Variants in NUP155 observed in about 807,000 individuals in gnomAD.
NUP155 encodes nuclear pore complex protein Nup155.
Under a neutral mutation model 180.4 loss-of-function variants are expected in NUP155, and 71 were observed. That is an observed-to-expected ratio of 0.39 (90% CI 0.33 to 0.48). The LOEUF is 0.48. NUP155 is among the 20% of genes least tolerant of loss of function. The pLI is 0.91. For synonymous variants in NUP155, 582 were observed against 559.5 expected (o/e 1.04, Z -0.57); for missense variants, 1,553 against 1,648.9 (o/e 0.94, Z 1.01).
In NUP155 at chr5:37,291,973, C is replaced by G. The variant is rs1209885529; in HGVS notation, c.4103G>C (p.Ser1368Thr). The G allele has an allele frequency of 1.2e-6, 2 of 1,613,870 alleles. No individual in the cohort carries two copies. The highest frequency in any genetic ancestry group is 2.7e-5 in the African/African-American group (2 of 74,906). The change falls in exon 35 of 35, where the codon AGC becomes ACC. Residue 1368 changes from serine (S) to threonine (T), a missense_variant. Transcript: ENST00000231498. ...CGYLVELQSM[S>T]SSVAVQAITG... ...GATGGCTTGTACTGCTACTGACGAGCTCATAGACTGGAGCTCAACAAGGTA... is the reference window on the plus strand; with the variant it reads ...GATGGCTTGTACTGCTACTGACGAGGTCATAGACTGGAGCTCAACAAGGTA...
chr5:37,296,116 G>A (rs1350670955), intron 32 of NUP155, among the ~76,000 whole-genome samples: 1 of 151,540 alleles, frequency 6.6e-6, no homozygotes, highest in South Asian at 2.1e-4. Flanking sequence ...CCTCTGCCCG[G>A]CCGCCCCTAC....
rs1276049296 is a variant in NUP155, at chr5:37,309,135, T to C, written c.2761A>G (p.Arg921Gly). ...VDLSNVCAQY[R>G]QVRFYEGVVE... ...GAAACATTTTATTTCTCACCTTGTC[T>C]ATACTGAGCACAAACATTGGAAAGG... The change falls in exon 24 of 35, where the codon AGA becomes GGA. Residue 921 changes from arginine (R) to glycine (G), a missense_variant. Transcript: ENST00000231498. The C allele has an allele frequency of 6.2e-7, 1 of 1,613,394 alleles. No homozygotes were observed. The highest frequency in any genetic ancestry group is 8.5e-7 in the Non-Finnish European group (1 of 1,179,782).
chr5:37,314,505 A>G (rs1252943438), intron 21 of NUP155, among the ~76,000 whole-genome samples, 177 bp from the exon 22 acceptor site: 2 of 152,182 alleles, frequency 1.3e-5, no homozygotes, highest in Admixed American at 1.3e-4. Flanking sequence ...GTATATATAT[A>G]TGCTTCTGTG....
chr5:37,331,677 A>T lies in NUP155; in HGVS notation c.1629+8T>A, dbSNP rs1744970006. 1 of 1,477,902 alleles carries T rather than the reference A, an allele frequency of 6.8e-7. No homozygotes were observed. Among genetic ancestry groups the T allele is most frequent in the African/African-American group, 1.4e-5 (1 of 72,438 alleles). 91.5% of individuals were successfully genotyped at this position (1,477,902 alleles called of 1,614,324 possible). ...AGCATCACATTTTTTAAAAGTATATATAATTACCTGATGTAATTTAAAGAA... is the reference window on the plus strand; with the variant it reads ...AGCATCACATTTTTTAAAAGTATATTTAATTACCTGATGTAATTTAAAGAA... On this transcript the variant is annotated splice_region_variant and intron_variant, in intron 14 of 34. Coordinates refer to ENST00000231498, the MANE Select transcript of NUP155 (RefSeq NM_153485.3).
chr5:37,293,718 G>GTAATGAGTTTAGCCCACACCTTGGTTTA (rs1252302785), intron 33 of NUP155, among the ~76,000 whole-genome samples: 13 of 77,686 alleles, frequency 1.7e-4, no homozygotes, highest in African/African-American at 1.1e-3. Context: ...GATGATTCTT[G>GTAATGAGTTTAGCCCACACCTTGGTTTA]GCCGGGCGCG....
chr5:37,298,006 G>A (rs1742679181), intron 32 of NUP155, among the ~76,000 whole-genome samples: 1 of 151,792 alleles, frequency 6.6e-6, no homozygotes, highest in Admixed American at 6.6e-5. Context: ...GGGAGGCCAA[G>A]GCAAGCGGAT....
At chr5:37,343,688 C>T (rs556553058) in intron 9 of NUP155, among the ~76,000 whole-genome samples, 1 of 152,108 alleles carries the variant, frequency 6.6e-6, no homozygotes, top group South Asian at 2.1e-4. Flanking sequence ...GTCAAGAGTT[C>T]AAGACTGGCC....
rs910744706 is a variant in NUP155 at position 37,294,022 on chromosome 5, A to T, written c.3930+307T>A. Among the ~76,000 whole-genome samples, 260 of 76,162 alleles carry T rather than the reference A, an allele frequency of 3.4e-3. 43 individuals are homozygous for T. Among genetic ancestry groups the T allele is most frequent in the African/African-American group, 6.7e-3 (18 of 2,672 alleles). 50.0% of individuals were successfully genotyped at this position (76,162 alleles called of 152,430 possible). ...CGCCGTCTCAAAAAAAAAAAAAAAA[A>T]AAAAAATAAAGCAAATGATGATTCT... On this transcript the variant is annotated intron_variant, in intron 33 of 34. Transcript: ENST00000231498.
chr5:37,318,354 AAG>A (rs901239702), intron 20 of NUP155, among the ~76,000 whole-genome samples: 27 of 152,254 alleles, frequency 1.8e-4, no homozygotes, highest in Admixed American at 7.2e-4. Flanking sequence ...ATCAAGTAAA[AAG>A]AGGGGGTAAA....
chr5:37,349,296 A>C, intron 7 of NUP155, 51 bp from the exon 8 acceptor site: 1 of 619,754 alleles, frequency 1.6e-6, no homozygotes, highest in Non-Finnish European at 2.8e-6. Context: ...CCAAGGATTA[A>C]CAAAGCAAAT....
chr5:37,359,521 G>A (rs1375392641), intron 3 of NUP155, among the ~76,000 whole-genome samples: 1 of 152,048 alleles, frequency 6.6e-6, no homozygotes, highest in Non-Finnish European at 1.5e-5. Flanking sequence ...TACAACAACA[G>A]AACCCAAATC....
chr5:37,304,975 C>T (rs1363251704), intron 26 of NUP155, 82 bp downstream of exon 26: 7 of 1,556,052 alleles, frequency 4.5e-6, no homozygotes, highest in Non-Finnish European at 5.3e-6. Context: ...TACCACCTTT[C>T]CCCAAGATGA....
intron 18 of NUP155, 83 bp from the exon 19 acceptor site, chr5:37,326,050 G>C: frequency 1.0e-6 from 1 of 961,310 alleles, no homozygotes. Flanking sequence ...GAACTTAATG[G>C]CTTTATTCAG....
At chr5:37,363,688 G>A (rs1747361848) in intron 3 of NUP155, among the ~76,000 whole-genome samples, 200 bp downstream of exon 3, 1 of 152,172 alleles carries the variant, frequency 6.6e-6, no homozygotes, top group African/African-American at 2.4e-5. Context: ...TGTTAGAAAT[G>A]CAGACTCTTG....
rs1742206131 is a variant in NUP155, at chr5:37,290,913, T to G, written c.*987A>C. ...ATGCTGATGCTGATGCTGATGCTTC[T>G]GGTTTGGAGCACATACTTTGAGAAC... On this transcript the variant is annotated 3_prime_UTR_variant, in exon 35 of 35. Transcript: ENST00000231498. The G allele has an allele frequency of 6.6e-6, 1 of 152,250 alleles. No homozygotes were observed. Among genetic ancestry groups the G allele is most frequent in the South Asian group, 2.1e-4 (1 of 4,826 alleles). The allele number at this position is 152,250 out of a possible 1,614,324, so 9.4% of individuals were successfully genotyped here. A position where few individuals can be genotyped will look rare whatever the true frequency, so the allele number is the denominator to read the frequency against.
chr5:37,348,773 T>C (rs75113488), intron 8 of NUP155, among the ~76,000 whole-genome samples, 177 bp from the exon 9 acceptor site: 175 of 152,180 alleles, frequency 1.1e-3, no homozygotes, highest in Non-Finnish European at 1.7e-3. Context: ...TTTTTTTTTT[T>C]GAGACGAAGT....
chr5:37,344,392 T>C (rs902358943), intron 9 of NUP155, among the ~76,000 whole-genome samples: 7 of 141,922 alleles, frequency 4.9e-5, no homozygotes, highest in South Asian at 2.2e-4. Context: ...AAAATACATA[T>C]AAACATCATA....
Position 37,317,995 on chromosome 5 carries a change from C to T in NUP155, c.2298G>A (p.Lys766=), listed in dbSNP as rs1192874313. 1 of 1,592,628 alleles carries T rather than the reference C, an allele frequency of 6.3e-7. No homozygotes were observed. The highest frequency in any genetic ancestry group is 8.6e-7 in the Non-Finnish European group (1 of 1,160,490). The change falls in exon 21 of 35, where the codon AAG becomes AAA. Residue 766 remains lysine (K), a synonymous_variant. Coordinates refer to ENST00000231498, the MANE Select transcript of NUP155 (RefSeq NM_153485.3). ...PQQMQQELQR[K]FHEAQLSEKI... The stretch of plus-strand genomic sequence containing the variant: ...TGAGAAGCAATAATTTACCATGAAA[C>T]TTCCTCTGCAGTTCCTGTTGCATTT...
At position 37,330,136 on chromosome 5, in the gene NUP155, T is replaced by G; in HGVS notation, c.1630-4A>C. 1 of 1,605,244 alleles carries G rather than the reference T, an allele frequency of 6.2e-7. No individual in the cohort carries two copies. Among genetic ancestry groups the G allele is most frequent in the Non-Finnish European group, 8.5e-7 (1 of 1,173,392 alleles). On this transcript the variant is annotated splice_polypyrimidine_tract_variant and splice_region_variant and intron_variant, in intron 14 of 34. Transcript: ENST00000231498. ...AAGTTGCACAAGCCTGGTCTTCCTG[T>G]GTAAAAAGAGGAATATTGGCCTTAT...
Sources: allele counts gnomAD v4.1 joint callset (sites outside exome capture counted in the v4.1 genomes callset), GRCh38; gene constraint gnomAD v4.1.1; transcripts MANE v1.5; gene names NCBI Gene and HGNC (gene_info 2026-07-23, HGNC 2026-07-21).